DDHD1: variants seen among roughly 807,000 people sequenced by gnomAD.
DDHD1 encodes phospholipase DDHD1.
DDHD1 carries 49 observed loss-of-function variants against 96.4 expected under a neutral mutation model. That is an observed-to-expected ratio of 0.51 (90% CI 0.40 to 0.64). The LOEUF is 0.64. Among genes scored for constraint, DDHD1 ranks in the 30% least tolerant of loss-of-function variants. The probability of loss-of-function intolerance (pLI) is 0.00; values close to 1 mark genes in which losing one functional copy is unlikely to be tolerated. For synonymous variants in DDHD1, 442 were observed against 446.5 expected, an observed-to-expected ratio of 0.99 and a Z score of 0.13; for missense variants, 1,106 against 1,161.2, an observed-to-expected ratio of 0.95 and a Z score of 0.69.
At chr14:53,126,316 A>G (rs1889433620) in intron 1 of DDHD1, among the ~76,000 whole-genome samples, 1 of 152,216 alleles carries the variant, frequency 6.6e-6, no homozygotes, top group Non-Finnish European at 1.5e-5. Context: ...GTGAATATGA[A>G]TTCAAACATT....
At chr14:53,077,326 C>A (rs1000318919) in intron 4 of DDHD1, among the ~76,000 whole-genome samples, 1 of 152,174 alleles carries the variant, frequency 6.6e-6, no homozygotes, top group African/African-American at 2.4e-5. Flanking sequence ...TTCCATCACT[C>A]TTCATTTGTT....
intron 1 of DDHD1, among the ~76,000 whole-genome samples, chr14:53,125,572 A>G (rs1348635681): frequency 2.6e-5 from 4 of 152,190 alleles, no homozygotes; most frequent in Admixed American, 6.5e-5. Context: ...GAAACTTTTA[A>G]TATCAGCACA....
At chr14:53,120,338 A>C (rs754327643) in intron 1 of DDHD1, among the ~76,000 whole-genome samples, 1 of 152,266 alleles carries the variant, frequency 6.6e-6, no homozygotes, top group Non-Finnish European at 1.5e-5. Flanking sequence ...GCTCATGGTT[A>C]GGAAGAATCA....
chr14:53,058,446 G>A (rs769842821), intron 9 of DDHD1, 31 bp downstream of exon 9: 29 of 1,576,232 alleles, frequency 1.8e-5, no homozygotes, highest in Non-Finnish European at 2.5e-5. Context: ...ATTTGACATT[G>A]AGAAAAAAAA....
At chr14:53,126,927 T>C (rs1416702262) in intron 1 of DDHD1, among the ~76,000 whole-genome samples, 1 of 152,132 alleles carries the variant, frequency 6.6e-6, no homozygotes, top group Non-Finnish European at 1.5e-5. Flanking sequence ...TAACTAGCTA[T>C]AAATAAAACA....
chr14:53,103,063 G>T, intron 2 of DDHD1: 1 of 1,562,458 alleles, frequency 6.4e-7, no homozygotes, highest in Non-Finnish European at 8.7e-7. Flanking sequence ...TGCAGTAAAT[G>T]GAACAATAGA....
chr14:53,096,931 A>G (rs1478605632), intron 2 of DDHD1, among the ~76,000 whole-genome samples: 1 of 152,058 alleles, frequency 6.6e-6, no homozygotes, highest in Non-Finnish European at 1.5e-5. Flanking sequence ...GACAACATAG[A>G]GTAAAGCTAG....
At chr14:53,054,768 T>C in intron 10 of DDHD1, 139 bp from the exon 11 acceptor site, 2 of 672,734 alleles carry the variant, frequency 3.0e-6, no homozygotes, top group Non-Finnish European at 4.9e-6. Flanking sequence ...CATAAGAAAA[T>C]TATAATTTAT....
intron 12 of DDHD1, among the ~76,000 whole-genome samples, chr14:53,051,055 T>G (rs1022226669): frequency 1.1e-4 from 15 of 138,304 alleles, no homozygotes; most frequent in African/African-American, 3.2e-4. Context: ...AATGTAAGAG[T>G]TTTTTTTTTT....
At chr14:53,141,766 TGG>T (rs1395966911) in intron 1 of DDHD1, among the ~76,000 whole-genome samples, 2 of 152,066 alleles carry the variant, frequency 1.3e-5, no homozygotes, top group Admixed American at 1.3e-4. Context: ...CCAGAACTCT[TGG>T]AGTGATTAAG....
At position 53,038,353 on chromosome 14, in the gene DDHD1, G is replaced by A. The variant is rs1157689167; in HGVS notation, c.*8415C>T. 1 of 152,076 alleles carries A rather than the reference G, an allele frequency of 6.6e-6. No individual in the cohort carries two copies. Among genetic ancestry groups the A allele is most frequent in the African/African-American group, 2.4e-5 (1 of 41,508 alleles). 9.4% of individuals were successfully genotyped at this position (152,076 alleles called of 1,614,324 possible). On this transcript the variant is annotated 3_prime_UTR_variant, in exon 13 of 13. Transcript: ENST00000673822. ...TACAAAATCAATGCACAAAAATTAGGAGCATTTCTATACACCAATAACGTT... is the reference window on the plus strand; with the variant it reads ...TACAAAATCAATGCACAAAAATTAGAAGCATTTCTATACACCAATAACGTT...
chr14:53,102,225 AT>A (rs1217387677), intron 2 of DDHD1, among the ~76,000 whole-genome samples: 1 of 152,078 alleles, frequency 6.6e-6, no homozygotes, highest in Non-Finnish European at 1.5e-5. Flanking sequence ...ACCAATAGTG[AT>A]GAGAAGTTAT....
chr14:53,061,053 T>C, intron 8 of DDHD1, 73 bp downstream of exon 8: 1 of 1,305,560 alleles, frequency 7.7e-7, no homozygotes. Context: ...ATTTGAATCC[T>C]AAAGGCATAT....
rs1882076947 is a variant in DDHD1 at position 53,047,083 on chromosome 14, A to G, written c.2522-134T>C. The G allele has an allele frequency of 9.8e-6, 6 of 612,810 alleles. No individual in the cohort carries two copies. In the East Asian group the frequency reaches 2.0e-4, roughly 20 times the overall value. The allele number at this position is 612,810 out of a possible 1,614,324, so 38.0% of individuals were successfully genotyped here. On this transcript the variant is annotated intron_variant, in intron 12 of 12. Transcript: ENST00000673822. ...TCACTTTTTTAAGAAGTGACTTTCCATTATCATCTTAAGAGAAAAACACTC... is the reference window on the plus strand; with the variant it reads ...TCACTTTTTTAAGAAGTGACTTTCCGTTATCATCTTAAGAGAAAAACACTC...
intron 1 of DDHD1, among the ~76,000 whole-genome samples, chr14:53,128,084 T>C (rs1297160421): frequency 6.6e-6 from 1 of 152,168 alleles, no homozygotes; most frequent in East Asian, 1.9e-4. Context: ...GCTCTATATT[T>C]CTCTCTCCTC....
rs1234211521 is a variant in DDHD1, at chr14:53,051,855, T to C, written c.2510A>G (p.Asp837Gly). Reference sequence around the variant, plus strand: ...GACATATACCATACCGAGGGCATTATCTTTATTCTGCATTACATTTTCCGG... The same window carrying C: ...GACATATACCATACCGAGGGCATTACCTTTATTCTGCATTACATTTTCCGG... The part of the protein sequence containing the change: ...LFPENVMQNK[D>G]NALVELDHRI... The change falls in exon 12 of 13, where the codon GAT becomes GGT. Residue 837 changes from aspartate to glycine, a missense_variant. By Grantham distance (94) the Asp-to-Gly change is moderately conservative (BLOSUM62 -1). This residue lies in a region of DDHD1 where 650 missense variants were observed against 758.8 expected (regional missense o/e 0.86). Transcript: ENST00000673822. 1 of 1,596,512 alleles carries C rather than the reference T, an allele frequency of 6.3e-7. No individual in the cohort carries two copies. The highest frequency in any genetic ancestry group is 8.5e-7 in the Non-Finnish European group (1 of 1,170,026).
At chr14:53,065,212 C>G (rs767617284) in intron 6 of DDHD1, among the ~76,000 whole-genome samples, 4 of 152,086 alleles carry the variant, frequency 2.6e-5, no homozygotes, top group Admixed American at 6.5e-5. Flanking sequence ...AGGAAAAACC[C>G]GGCAGTTTCA....
At chr14:53,088,141 G>C (rs973415898) in intron 4 of DDHD1, among the ~76,000 whole-genome samples, 1 of 152,048 alleles carries the variant, frequency 6.6e-6, no homozygotes, top group African/African-American at 2.4e-5. Flanking sequence ...TCACTGAATA[G>C]ACCAATAATA....
intron 6 of DDHD1, among the ~76,000 whole-genome samples, chr14:53,064,447 T>TA (rs1433278776): frequency 6.6e-6 from 1 of 152,034 alleles, no homozygotes; most frequent in Non-Finnish European, 1.5e-5. Context: ...TAAAGTTTGT[T>TA]AAAAAAGGAA....
Sources: gnomAD v4.1 joint callset for allele counts (sites outside exome capture counted in the v4.1 genomes callset) on GRCh38, gnomAD v4.1.1 for gene constraint, gnomAD v4.1.1 regional missense constraint, MANE v1.5 for transcripts, NCBI Gene and HGNC (gene_info 2026-07-23, HGNC 2026-07-21) for gene names.